The following AKR1B15 variants were observed in gnomAD, a reference collection of about 807,000 sequenced individuals.
The protein encoded by AKR1B15 is estradiol 17-beta-dehydrogenase AKR1B15.
A neutral mutation model predicts 38.5 loss-of-function variants in AKR1B15; 49 were observed. The observed-to-expected ratio is 1.27, with a 90% confidence interval of 1.01 to 1.62. The LOEUF is 1.62. AKR1B15 is among the 40% of genes most tolerant of loss of function. The pLI, the probability that AKR1B15 is intolerant of heterozygous loss-of-function variation, is 0.00. For synonymous variants in AKR1B15, 137 were observed against 135.5 expected (o/e 1.01, Z -0.08); for missense variants, 411 against 381.6 (o/e 1.08, Z -0.64).
chr7:134,577,124 C>T (rs1585816810), intron 10 of AKR1B15, 78 bp downstream of exon 10: 31 of 1,403,568 alleles, frequency 2.2e-5, no homozygotes, highest in Non-Finnish European at 2.9e-5. Flanking sequence ...GGCTTCTCAC[C>T]TCATCCCTGC....
intron 1 of AKR1B15, among the ~76,000 whole-genome samples, chr7:134,550,778 T>C (rs1237671937): frequency 1.3e-5 from 2 of 152,192 alleles, no homozygotes; most frequent in Non-Finnish European, 2.9e-5. Context: ...AATTTCTCTC[T>C]AGGCTTCTCA....
intron 6 of AKR1B15, chr7:134,573,290 C>T (rs1418419438): frequency 3.4e-6 from 3 of 873,638 alleles, no homozygotes; most frequent in Non-Finnish European, 4.1e-6. Flanking sequence ...CTCAGCCTCC[C>T]AAAGTGTTCA....
intron 7 of AKR1B15, 67 bp downstream of exon 7, chr7:134,575,609 G>A: frequency 1.9e-6 from 3 of 1,602,518 alleles, no homozygotes; most frequent in Non-Finnish European, 2.6e-6. Flanking sequence ...CGGGGGGAAT[G>A]TTCAATGCTA....
chr7:134,572,446 G>A (rs1794686589), intron 6 of AKR1B15, among the ~76,000 whole-genome samples: 1 of 152,134 alleles, frequency 6.6e-6, no homozygotes, highest in African/African-American at 2.4e-5. Flanking sequence ...GGCTAGCAGA[G>A]TAAAACGCTG....
chr7:134,577,795 C>T lies in AKR1B15; in HGVS notation c.992+9C>T. 6.2e-7 allele frequency: 1 copy of T among 1,613,396 alleles called. No homozygotes were observed. Among genetic ancestry groups the T allele is most frequent in the Non-Finnish European group, 8.5e-7 (1 of 1,179,710 alleles). On this transcript the variant is annotated intron_variant, in intron 11 of 11. Coordinates refer to ENST00000457545, the MANE Select transcript of AKR1B15 (RefSeq NM_001080538.3). Reference sequence around the variant, plus strand: ...GCCTTTGACTTCAAGGAGTAAGTGGCATGGAGTTAACTAGAAGAATTGCCA... The same window carrying T: ...GCCTTTGACTTCAAGGAGTAAGTGGTATGGAGTTAACTAGAAGAATTGCCA...
At chr7:134,555,098 G>A (rs1272728912) in intron 1 of AKR1B15, among the ~76,000 whole-genome samples, 2 of 152,152 alleles carry the variant, frequency 1.3e-5, no homozygotes, top group African/African-American at 4.8e-5. Flanking sequence ...GTATGGAAGG[G>A]CTCCGCCTAT....
At position 134,572,407 on chromosome 7, in the gene AKR1B15, T is replaced by A. The variant is rs147717421; in HGVS notation, c.513+726T>A. On this transcript the variant is annotated intron_variant, in intron 6 of 11. Transcript: ENST00000457545. ...ACTTTGGGAAGCCGAGGTGGAAGGA[T>A]CATGAGGTCAGAAGTTTGAGACCAG... Among the ~76,000 whole-genome samples the A allele has an allele frequency of 7.3e-4, 111 of 152,068 alleles. 1 individual carries two copies. In the East Asian group the frequency reaches 0.02, roughly 28 times the overall value.
intron 6 of AKR1B15, among the ~76,000 whole-genome samples, chr7:134,572,011 G>T (rs976446671): frequency 3.3e-5 from 5 of 152,166 alleles, no homozygotes; most frequent in Non-Finnish European, 7.3e-5. Flanking sequence ...GTAACCTAGG[G>T]TCAGTTTTGT....
chr7:134,570,525 C>G (rs1392582808), intron 5 of AKR1B15: 1 of 152,084 alleles, frequency 6.6e-6, no homozygotes, highest in Non-Finnish European at 1.5e-5. Context: ...CCCCGGACAC[C>G]CAGCTTTAAA....
chr7:134,558,038 A>T (rs752911377), intron 2 of AKR1B15, among the ~76,000 whole-genome samples: 6 of 152,318 alleles, frequency 3.9e-5, no homozygotes, highest in Non-Finnish European at 8.8e-5. Flanking sequence ...ATATTATCAG[A>T]TCAAAGGGAA....
intron 8 of AKR1B15, 91 bp downstream of exon 8, chr7:134,576,018 T>G: frequency 2.6e-6 from 4 of 1,518,180 alleles, no homozygotes; most frequent in Middle Eastern, 1.8e-4. Flanking sequence ...CATAAGTTAC[T>G]GGAAAGAAAA....
chr7:134,577,613 G>A, intron 10 of AKR1B15, 91 bp from the exon 11 acceptor site: 3 of 1,432,390 alleles, frequency 2.1e-6, no homozygotes, highest in Non-Finnish European at 2.9e-6. Flanking sequence ...TGCTGTGAAT[G>A]TGAGCTCCCT....
Position 134,577,767 on chromosome 7 carries a change from A to T in AKR1B15, c.973A>T (p.Arg325Trp), listed in dbSNP as rs1280497675. The change falls in exon 11 of 12, where the codon AGG (arginine) becomes TGG (tryptophan). Residue 325 changes from arginine to tryptophan, a missense_variant. Around this residue, in one of 3 missense-constraint regions of AKR1B15, gnomAD observed 133 missense variants for 120.3 expected, o/e 1.11. Coordinates refer to ENST00000457545, the MANE Select transcript of AKR1B15 (RefSeq NM_001080538.3). ...CATACTCAGCTTCAACAGAAACTGG[A>T]GGGCCTTTGACTTCAAGGAGTAAGT... Reference protein sequence around the residue: ...ATILSFNRNWRAFDFKEFSHL... With the variant: ...ATILSFNRNWWAFDFKEFSHL... 6.2e-7 allele frequency: 1 copy of T among 1,613,950 alleles called. No homozygotes were observed. The highest frequency in any genetic ancestry group is 2.2e-5 in the East Asian group (1 of 44,800).
chr7:134,549,279 G>A (rs1793883148), intron 1 of AKR1B15, 30 bp downstream of exon 1: 1 of 152,410 alleles, frequency 6.6e-6, no homozygotes, highest in Non-Finnish European at 1.5e-5. Flanking sequence ...GTCTCTCTGG[G>A]AGGGAAACGG....
chr7:134,553,023 T>A (rs1794042777), intron 1 of AKR1B15, among the ~76,000 whole-genome samples: 1 of 149,622 alleles, frequency 6.7e-6, no homozygotes, highest in Admixed American at 6.7e-5. Context: ...CCTTCAGGAA[T>A]TCGGGTATCA....
intron 3 of AKR1B15, 169 bp downstream of exon 3, chr7:134,564,938 C>T (rs1022417205): frequency 2.2e-6 from 1 of 460,180 alleles, no homozygotes; most frequent in Non-Finnish European, 3.9e-6. Flanking sequence ...TGCTCTGTGT[C>T]TAGCTAAAGG....
intron 2 of AKR1B15, among the ~76,000 whole-genome samples, chr7:134,561,242 CTCTA>C (rs1287107120): frequency 2.0e-5 from 3 of 152,158 alleles, no homozygotes; most frequent in Admixed American, 1.3e-4. Flanking sequence ...GAGATGGAGT[CTCTA>C]TCTGTCACCC....
intron 6 of AKR1B15, among the ~76,000 whole-genome samples, chr7:134,574,865 C>G (rs1457520091): frequency 6.6e-6 from 1 of 152,162 alleles, no homozygotes; most frequent in Non-Finnish European, 1.5e-5. Context: ...CCTGCTAGGG[C>G]GTAATTTATA....
intron 1 of AKR1B15, among the ~76,000 whole-genome samples, chr7:134,553,465 A>G (rs1364218035): frequency 6.6e-6 from 1 of 152,198 alleles, no homozygotes; most frequent in Non-Finnish European, 1.5e-5. Context: ...TATTTGTCTA[A>G]GAGACTGGAC....
Sources: gnomAD v4.1 joint callset for allele counts (sites outside exome capture counted in the v4.1 genomes callset) on GRCh38, gnomAD v4.1.1 for gene constraint, gnomAD v4.1.1 regional missense constraint, MANE v1.5 for transcripts, NCBI Gene and HGNC (gene_info 2026-07-23, HGNC 2026-07-21) for gene names.